KSR2: variants seen among roughly 807,000 people sequenced by gnomAD.
KSR2 encodes kinase suppressor of ras 2.
A neutral mutation model predicts 107.8 loss-of-function variants in KSR2; 25 were observed. The ratio of observed to expected loss-of-function variants is 0.23; its 90% CI spans 0.17 to 0.32. The LOEUF (loss-of-function observed/expected upper bound fraction) is 0.32. Among genes scored for constraint, KSR2 ranks in the 10% least tolerant of loss-of-function variants. KSR2 has a pLI of 1.00. For synonymous variants in KSR2, 480 were observed against 507.0 expected (o/e 0.95, Z 0.71); for missense variants, 887 against 1,268.9 (o/e 0.70, Z 4.57).
Position 117,740,656 on chromosome 12 carries a change from AATATATAAT to A in KSR2, c.986+20346_986+20354del, listed in dbSNP as rs539148070. ...TAATATATACATATATTATATATGTAATATATAATATATATAATATATATACACACACAT... is the reference window on the plus strand; with the variant it reads ...TAATATATACATATATTATATATGTAATATATAATATATATACACACACAT... On this transcript the variant is annotated intron_variant, in intron 4 of 19. Coordinates refer to ENST00000339824, the MANE Select transcript of KSR2 (RefSeq NM_173598.6). Among the ~76,000 whole-genome samples the A allele has an allele frequency of 2.6e-3, 234 of 90,002 alleles. 1 individual carries two copies. Among genetic ancestry groups the A allele is most frequent in the African/African-American group, 6.0e-3 (200 of 33,106 alleles). The allele number at this position is 90,002 out of a possible 152,430, so 59.0% of individuals were successfully genotyped here. A position where few individuals can be genotyped will look rare whatever the true frequency, so the allele number is the denominator to read the frequency against.
At chr12:117,501,972 C>T (rs1029751079) in intron 14 of KSR2, among the ~76,000 whole-genome samples, 1 of 152,218 alleles carries the variant, frequency 6.6e-6, no homozygotes, top group Admixed American at 6.5e-5. Context: ...TCCAAAATTG[C>T]TTTAGAATGT....
chr12:117,881,523 C>T (rs184499746), intron 1 of KSR2, among the ~76,000 whole-genome samples: 11 of 152,322 alleles, frequency 7.2e-5, no homozygotes, highest in African/African-American at 2.4e-4. Flanking sequence ...GTCATTTCTC[C>T]CAAGAATCTC....
At chr12:117,639,298 G>A (rs759979109) in intron 5 of KSR2, among the ~76,000 whole-genome samples, 1 of 151,486 alleles carries the variant, frequency 6.6e-6, no homozygotes, top group African/African-American at 2.4e-5. Context: ...TGTGTATGTA[G>A]ACACACTAGT....
At position 117,711,185 on chromosome 12, in the gene KSR2, T is replaced by C. The variant is rs147327393; in HGVS notation, c.987-43527A>G. 8.0e-4 allele frequency among the ~76,000 whole-genome samples: 122 copies of C among 152,236 alleles called. No individual in the cohort carries two copies. The Middle Eastern group carries it at 0.014, about 17-fold the overall frequency. On this transcript the variant is annotated intron_variant, in intron 4 of 19. Coordinates refer to ENST00000339824, the MANE Select transcript of KSR2 (RefSeq NM_173598.6). ...CCCAAATTTCAAGAGGGCAAAGACATGAGATAGATAAAACAATTTTAAAGT... is the reference window on the plus strand; with the variant it reads ...CCCAAATTTCAAGAGGGCAAAGACACGAGATAGATAAAACAATTTTAAAGT...
intron 14 of KSR2, among the ~76,000 whole-genome samples, chr12:117,486,185 A>C (rs1872453032): frequency 6.6e-6 from 1 of 152,188 alleles, no homozygotes; most frequent in South Asian, 2.1e-4. Flanking sequence ...TTGGACAGGG[A>C]TGTGTAAACA....
intron 1 of KSR2, among the ~76,000 whole-genome samples, chr12:117,895,892 C>G (rs12823348): frequency 6.6e-6 from 1 of 152,170 alleles, no homozygotes; most frequent in African/African-American, 2.4e-5. Context: ...AACCTCATCT[C>G]TACTAAAAAT....
intron 3 of KSR2, among the ~76,000 whole-genome samples, chr12:117,839,048 A>G (rs111322695): frequency 0.017 from 2,576 of 152,304 alleles, 39 homozygotes; most frequent in Non-Finnish European, 0.025. Context: ...CCCGTGGGCT[A>G]TACTTGGTCA....
chr12:117,630,118 G>A (rs7316550), intron 5 of KSR2, among the ~76,000 whole-genome samples: 59,841 of 152,032 alleles, frequency 0.39, 13,111 homozygotes, highest in South Asian at 0.53. Context: ...AATCCCTGGG[G>A]TCTAAGGAAC....
chr12:117,950,746 AAAAAATAATAAT>A (rs1896336982), intron 1 of KSR2, among the ~76,000 whole-genome samples: 1 of 55,550 alleles, frequency 1.8e-5, no homozygotes, highest in African/African-American at 6.6e-5. Context: ...GTAAAAAAAA[AAAAAATAATAAT>A]AATAATAATA....
At chr12:117,874,385 A>AC (rs1366108856) in intron 1 of KSR2, among the ~76,000 whole-genome samples, 2 of 152,136 alleles carry the variant, frequency 1.3e-5, no homozygotes, top group African/African-American at 4.8e-5. Flanking sequence ...AGCGTGTGTC[A>AC]CCACACCCAG....
At chr12:117,545,734 G>GT (rs1377246782) in intron 9 of KSR2, among the ~76,000 whole-genome samples, 3 of 152,160 alleles carry the variant, frequency 2.0e-5, no homozygotes, top group Middle Eastern at 3.4e-3. Flanking sequence ...CTGCCTTCCT[G>GT]TGAGTTAAAC....
At chr12:117,765,794 T>C (rs1462763270) in intron 3 of KSR2, among the ~76,000 whole-genome samples, 1 of 152,142 alleles carries the variant, frequency 6.6e-6, no homozygotes, top group Admixed American at 6.5e-5. Context: ...ACAGTGGGCA[T>C]TTGAGCAGAT....
intron 3 of KSR2, among the ~76,000 whole-genome samples, chr12:117,852,879 G>A (rs891046668): frequency 6.6e-6 from 1 of 152,122 alleles, no homozygotes; most frequent in African/African-American, 2.4e-5. Context: ...TCAGCTCACT[G>A]CAACCTCCAC....
At chr12:117,586,385 G>A (rs1474864754) in intron 5 of KSR2, among the ~76,000 whole-genome samples, 4 of 152,000 alleles carry the variant, frequency 2.6e-5, no homozygotes, top group Admixed American at 6.6e-5. Flanking sequence ...TCAGGAGTTC[G>A]AGACCAGCTT....
intron 1 of KSR2, among the ~76,000 whole-genome samples, chr12:117,866,685 C>T (rs1195012058): frequency 1.3e-5 from 2 of 151,984 alleles, no homozygotes; most frequent in Non-Finnish European, 2.9e-5. Flanking sequence ...CAAAACTAGC[C>T]GGGCATGGTG....
chr12:117,699,010 A>G (rs929488391), intron 4 of KSR2, among the ~76,000 whole-genome samples: 2 of 152,154 alleles, frequency 1.3e-5, no homozygotes, highest in Non-Finnish European at 2.9e-5. Context: ...CCCTTCATCT[A>G]AAAGAGCAGC....
intron 1 of KSR2, among the ~76,000 whole-genome samples, chr12:117,871,134 C>T (rs563821719): frequency 2.0e-5 from 3 of 152,274 alleles, no homozygotes; most frequent in Admixed American, 1.3e-4. Flanking sequence ...TTTTCCACAA[C>T]GCTGGAGGAA....
chr12:117,680,529 C>T (rs1885321666), intron 4 of KSR2, among the ~76,000 whole-genome samples: 1 of 152,162 alleles, frequency 6.6e-6, no homozygotes, highest in African/African-American at 2.4e-5. Context: ...GCAATTAGAT[C>T]ATTTGCTCCA....
intron 1 of KSR2, among the ~76,000 whole-genome samples, chr12:117,941,853 G>T (rs1290304935): frequency 7.0e-6 from 1 of 142,322 alleles, no homozygotes; most frequent in Admixed American, 7.6e-5. Context: ...ACGCTGGCCA[G>T]GCTGTTCTCA....
Sources: allele counts gnomAD v4.1 joint callset (sites outside exome capture counted in the v4.1 genomes callset), GRCh38; gene constraint gnomAD v4.1.1; transcripts MANE v1.5; gene names NCBI Gene and HGNC (gene_info 2026-07-23, HGNC 2026-07-21).